RHOA: variants seen among roughly 807,000 people sequenced by gnomAD.
The protein encoded by RHOA is transforming protein RhoA.
RHOA carries 3 observed loss-of-function variants against 17.5 expected under a neutral mutation model. The ratio of observed to expected loss-of-function variants is 0.17; its 90% CI spans 0.08 to 0.44. The LOEUF (loss-of-function observed/expected upper bound fraction) is 0.44. Ranked by LOEUF, RHOA falls within the 20% of genes least tolerant of loss-of-function variation. RHOA has a pLI of 0.99. For synonymous variants in RHOA, 98 were observed against 88.4 expected, an observed-to-expected ratio of 1.11 and a Z score of -0.61; for missense variants, 56 against 242.3, an observed-to-expected ratio of 0.23 and a Z score of 5.10.
At chr3:49,411,567 C>G (rs1021107076) in intron 1 of RHOA, among the ~76,000 whole-genome samples, 6 of 151,764 alleles carry the variant, frequency 4.0e-5, no homozygotes, top group Non-Finnish European at 8.8e-5. Flanking sequence ...CTGGGCTCCA[C>G]CAGGCCCGGC....
rs2047923002 is a variant in RHOA at position 49,359,495 on chromosome 3, A to G, written c.*714T>C. 1 of 196,516 alleles carries G rather than the reference A, an allele frequency of 5.1e-6. No individual in the cohort carries two copies. The highest frequency in any genetic ancestry group is 2.3e-5 in the African/African-American group (1 of 43,324). 12.2% of individuals were successfully genotyped at this position (196,516 alleles called of 1,614,324 possible). A position where few individuals can be genotyped will look rare whatever the true frequency, so the allele number is the denominator to read the frequency against. ...AAGTGACAAAACGGGAATTTAAAAA[A>G]TGAATTTTCCATCTGACTTTATTTC... On this transcript the variant is annotated 3_prime_UTR_variant, in exon 5 of 5. Coordinates refer to ENST00000418115, the MANE Select transcript of RHOA (RefSeq NM_001664.4).
intron 2 of RHOA, among the ~76,000 whole-genome samples, chr3:49,372,951 A>G (rs1157720623): frequency 6.6e-6 from 1 of 152,030 alleles, no homozygotes; most frequent in Non-Finnish European, 1.5e-5. Flanking sequence ...ACAATGAGGG[A>G]CCCTGGAGTT....
intron 1 of RHOA, among the ~76,000 whole-genome samples, chr3:49,404,541 G>A (rs554297095): frequency 1.4e-4 from 21 of 146,672 alleles, no homozygotes; most frequent in Non-Finnish European, 2.2e-4. Flanking sequence ...CACCCTGGTA[G>A]GCAGAGATTG....
At chr3:49,391,822 TC>T (rs1460989624) in intron 1 of RHOA, among the ~76,000 whole-genome samples, 5 of 125,332 alleles carry the variant, frequency 4.0e-5, no homozygotes, top group Admixed American at 8.3e-5. Context: ...AATTAATTTA[TC>T]TTTTTTTTTT....
At chr3:49,388,757 T>A (rs1270273327) in intron 1 of RHOA, among the ~76,000 whole-genome samples, 1 of 152,194 alleles carries the variant, frequency 6.6e-6, no homozygotes, top group Non-Finnish European at 1.5e-5. Context: ...GTGGAGCTGT[T>A]CAATGGCCAG....
At chr3:49,373,384 G>GAT (rs1177197466) in intron 2 of RHOA, 2 of 162,128 alleles carry the variant, frequency 1.2e-5, no homozygotes, top group African/African-American at 4.8e-5. Context: ...GGAGAAAGGG[G>GAT]ATGAATGGAA....
At chr3:49,368,802 G>A (rs1276180558) in intron 2 of RHOA, among the ~76,000 whole-genome samples, 1 of 150,202 alleles carries the variant, frequency 6.7e-6, no homozygotes, top group East Asian at 1.9e-4. Context: ...CCGTCTCCCG[G>A]GTTCACACCA....
chr3:49,387,183 A>T (rs1194761664), intron 1 of RHOA, among the ~76,000 whole-genome samples: 1 of 124,844 alleles, frequency 8.0e-6, no homozygotes, highest in Non-Finnish European at 1.7e-5. Flanking sequence ...GGTGGCTCAC[A>T]CCTGTAATCC....
At chr3:49,383,513 T>A (rs548632570) in intron 1 of RHOA, among the ~76,000 whole-genome samples, 1 of 152,310 alleles carries the variant, frequency 6.6e-6, no homozygotes, top group East Asian at 1.9e-4. Flanking sequence ...CTGTTATGGT[T>A]TGAAAAGTTT....
intron 1 of RHOA, among the ~76,000 whole-genome samples, chr3:49,379,609 G>A (rs1399653930): frequency 6.6e-6 from 1 of 152,082 alleles, no homozygotes; most frequent in African/African-American, 2.4e-5. Flanking sequence ...AGCCTCCCCA[G>A]GCTCAAGTGA....
intron 2 of RHOA, among the ~76,000 whole-genome samples, chr3:49,372,228 C>G (rs1390221970): frequency 6.6e-6 from 1 of 152,134 alleles, no homozygotes; most frequent in African/African-American, 2.4e-5. Context: ...GTTTTCCTAT[C>G]AGGACCACAA....
intron 1 of RHOA, among the ~76,000 whole-genome samples, chr3:49,396,441 G>A (rs1374001581): frequency 1.3e-5 from 2 of 152,152 alleles, no homozygotes; most frequent in Non-Finnish European, 1.5e-5. Flanking sequence ...TGGGCGCGGT[G>A]GCTCGCACCT....
intron 1 of RHOA, among the ~76,000 whole-genome samples, chr3:49,405,157 C>T (rs1271663847): frequency 6.8e-6 from 1 of 146,788 alleles, no homozygotes; most frequent in East Asian, 2.1e-4. Context: ...ACTCAGGAGG[C>T]TGAGGAAGGA....
intron 1 of RHOA, among the ~76,000 whole-genome samples, chr3:49,395,971 T>C (rs2048608472): frequency 6.6e-6 from 1 of 151,900 alleles, no homozygotes; most frequent in Non-Finnish European, 1.5e-5. Context: ...AGTCTTCCAG[T>C]GTATGGAATG....
intron 2 of RHOA, among the ~76,000 whole-genome samples, chr3:49,368,998 C>T (rs1430519896): frequency 3.0e-5 from 4 of 135,576 alleles, no homozygotes; most frequent in East Asian, 2.3e-4. Flanking sequence ...TGACCCACCG[C>T]GCCTGGCCTT....
chr3:49,396,325 G>A (rs1305136188), intron 1 of RHOA, among the ~76,000 whole-genome samples: 1 of 152,152 alleles, frequency 6.6e-6, no homozygotes, highest in Non-Finnish European at 1.5e-5. Context: ...TGTAATCCCA[G>A]CACTTTGGGA....
intron 1 of RHOA, among the ~76,000 whole-genome samples, chr3:49,388,918 T>C (rs1210880829): frequency 1.3e-5 from 2 of 152,224 alleles, no homozygotes; most frequent in African/African-American, 4.8e-5. Flanking sequence ...AGTACAGTAC[T>C]GTACTGAAAC....
In RHOA at chr3:49,404,976, G is replaced by C. The variant is rs189692234; in HGVS notation, c.-3+6844C>G. Among the ~76,000 whole-genome samples the C allele has an allele frequency of 8.2e-3, 1,238 of 150,232 alleles. 31 individuals are homozygous for C. The highest frequency in any genetic ancestry group is 7.2e-3 in the Non-Finnish European group (484 of 67,574). On this transcript the variant is annotated intron_variant, in intron 1 of 4. Transcript: ENST00000418115. ...ATAATAAAAAAAGTAGGCCAGGCGC[G>C]GTGGCTCACACCTATAATCCCAACA... is the stretch of plus-strand genomic sequence containing the variant.
chr3:49,386,688 GATTA>G (rs1393182013), intron 1 of RHOA, among the ~76,000 whole-genome samples: 1 of 152,088 alleles, frequency 6.6e-6, no homozygotes, highest in Non-Finnish European at 1.5e-5. Flanking sequence ...TGAAAGACTC[GATTA>G]ATTAATATGC....
Sources: allele counts gnomAD v4.1 joint callset (sites outside exome capture counted in the v4.1 genomes callset), GRCh38; gene constraint gnomAD v4.1.1; transcripts MANE v1.5; gene names NCBI Gene and HGNC (gene_info 2026-07-23, HGNC 2026-07-21).